Variants in HECTD4 observed in about 807,000 individuals in gnomAD.
HECTD4 encodes HECT domain E3 ubiquitin protein ligase 4.
Under a neutral mutation model 471.5 loss-of-function variants are expected in HECTD4, and 114 were observed. That is an observed-to-expected ratio of 0.24 (90% CI 0.21 to 0.28). The LOEUF is 0.28. HECTD4 is among the 10% of genes least tolerant of loss of function. The pLI, the probability that HECTD4 is intolerant of heterozygous loss-of-function variation, is 1.00. For synonymous variants in HECTD4, 2,012 were observed against 2,256.0 expected, an observed-to-expected ratio of 0.89 and a Z score of 3.07; for missense variants, 3,866 against 5,651.5, an observed-to-expected ratio of 0.68 and a Z score of 10.13.
At chr12:112,282,264 T>C (rs967641308) in intron 8 of HECTD4, among the ~76,000 whole-genome samples, 2 of 152,088 alleles carry the variant, frequency 1.3e-5, no homozygotes, top group Admixed American at 1.3e-4. Context: ...GCGCCTGTAG[T>C]CCCAGCTACT....
intron 61 of HECTD4, 45 bp from the exon 62 acceptor site, chr12:112,183,311 G>A (rs776942842): frequency 3.5e-6 from 5 of 1,448,110 alleles, no homozygotes; most frequent in Non-Finnish European, 2.9e-6. Context: ...AGCTTGACCA[G>A]TCATTCAGTG....
At chr12:112,277,960 C>A (rs1235533663) in intron 9 of HECTD4, among the ~76,000 whole-genome samples, 1 of 152,146 alleles carries the variant, frequency 6.6e-6, no homozygotes, top group Non-Finnish European at 1.5e-5. Flanking sequence ...TCTGCATCTA[C>A]TTTTATAGCT....
intron 22 of HECTD4, 53 bp downstream of exon 22, chr12:112,253,990 G>A: frequency 6.3e-7 from 1 of 1,596,278 alleles, no homozygotes; most frequent in East Asian, 2.2e-5. Context: ...GGACCTGTGA[G>A]GACTGCAAGT....
intron 20 of HECTD4, 171 bp from the exon 21 acceptor site, chr12:112,256,689 G>T: frequency 4.8e-6 from 2 of 414,770 alleles, no homozygotes; most frequent in Non-Finnish European, 8.3e-6. Flanking sequence ...CTACATTTAA[G>T]GGTTTTTTCT....
intron 7 of HECTD4, among the ~76,000 whole-genome samples, chr12:112,289,805 T>C (rs2034838105): frequency 6.6e-6 from 1 of 151,928 alleles, no homozygotes; most frequent in Admixed American, 6.6e-5. Flanking sequence ...ACCTCCCGAG[T>C]ATCTGGGATT....
intron 7 of HECTD4, among the ~76,000 whole-genome samples, chr12:112,304,835 G>A (rs900826493): frequency 1.3e-5 from 2 of 152,200 alleles, no homozygotes; most frequent in Non-Finnish European, 2.9e-5. Context: ...TAAAGGTTAC[G>A]AGACTCCTGA....
At position 112,230,658 on chromosome 12, in the gene HECTD4, T is replaced by G. The variant is rs147046299; in HGVS notation, c.6336+29A>C. The G allele has an allele frequency of 2.8e-4, 442 of 1,582,124 alleles. 1 individual carries two copies. In the African/African-American group the frequency reaches 5.6e-3, roughly 20 times the overall value. ...ATTCTAATTAGCTTACTTCTTATTT[T>G]CTCAGTTGAGTAGCAACACTGCGCT... On this transcript the variant is annotated intron_variant, in intron 40 of 75. Transcript: ENST00000682272.
At chr12:112,359,818 TC>T in intron 1 of HECTD4, among the ~76,000 whole-genome samples, 2 of 152,180 alleles carry the variant, frequency 1.3e-5, no homozygotes, top group Middle Eastern at 6.8e-3. Flanking sequence ...GCTCAACTGA[TC>T]CTCCTGCCTC....
chr12:112,175,076 C>T (rs1042409292), intron 66 of HECTD4, among the ~76,000 whole-genome samples: 3 of 152,138 alleles, frequency 2.0e-5, no homozygotes, highest in Non-Finnish European at 4.4e-5. Context: ...GGAGCGAGGG[C>T]AATGTGGACT....
intron 7 of HECTD4, among the ~76,000 whole-genome samples, chr12:112,296,245 C>T (rs1366022358): frequency 7.0e-6 from 1 of 143,872 alleles, no homozygotes; most frequent in Non-Finnish European, 1.5e-5. Context: ...AGGTGCAGAG[C>T]GTGTAGATGC....
At chr12:112,230,999 A>G in intron 39 of HECTD4, 177 bp from the exon 40 acceptor site, 1 of 603,198 alleles carries the variant, frequency 1.7e-6, no homozygotes, top group Admixed American at 3.2e-5. Context: ...ACTGTGTCAT[A>G]TTCTTTGTGG....
intron 7 of HECTD4, among the ~76,000 whole-genome samples, chr12:112,297,724 G>GA (rs1268839850): frequency 6.6e-6 from 1 of 152,068 alleles, no homozygotes; most frequent in Non-Finnish European, 1.5e-5. Flanking sequence ...TTTCCAACTG[G>GA]AGAAGTCTAA....
intron 1 of HECTD4, among the ~76,000 whole-genome samples, chr12:112,358,381 C>T (rs921814438): frequency 6.6e-6 from 1 of 151,724 alleles, no homozygotes; most frequent in African/African-American, 2.4e-5. Context: ...TTCAGGAGCC[C>T]GAAGCAGGGG....
chr12:112,204,815 T>C (rs2032526114), intron 52 of HECTD4, among the ~76,000 whole-genome samples, 192 bp from the exon 53 acceptor site: 1 of 152,154 alleles, frequency 6.6e-6, no homozygotes, highest in Non-Finnish European at 1.5e-5. Context: ...CTTTTAGGAA[T>C]GTCTCAAATC....
intron 1 of HECTD4, among the ~76,000 whole-genome samples, chr12:112,378,678 T>A (rs925938007): frequency 6.6e-6 from 1 of 152,156 alleles, no homozygotes; most frequent in East Asian, 1.9e-4. Context: ...CACCCAGATG[T>A]CCACTGGAAG....
rs368695777 is a variant in HECTD4 at position 112,243,587 on chromosome 12, C to T, written c.4791+33G>A. 3.1e-5 allele frequency: 49 copies of T among 1,604,250 alleles called. 1 individual carries two copies. The South Asian group carries it at 4.3e-4, about 14-fold the overall frequency. On this transcript the variant is annotated intron_variant, in intron 31 of 75. Coordinates refer to ENST00000682272, the MANE Select transcript of HECTD4 (RefSeq NM_001388303.1). This position sits in a 1 kb window ranked among gnomAD's most constrained non-coding sequence, Gnocchi z 6.6. ...GCAAGACCCCGCATGCTGTTAGGTG[C>T]TATTCATCTGGAGCCCGCAAAATGT... is the stretch of plus-strand genomic sequence containing the variant.
chr12:112,361,340 G>T (rs1007640873), intron 1 of HECTD4, among the ~76,000 whole-genome samples: 1 of 151,926 alleles, frequency 6.6e-6, no homozygotes, highest in Admixed American at 6.6e-5. Flanking sequence ...GAGTGCAGTG[G>T]TGCAATCACA....
At chr12:112,374,199 C>G (rs1226608137) in intron 1 of HECTD4, among the ~76,000 whole-genome samples, 1 of 151,894 alleles carries the variant, frequency 6.6e-6, no homozygotes, top group Non-Finnish European at 1.5e-5. Context: ...TAGTAGCACA[C>G]CGGTAGTCCC....
At chr12:112,165,349 ATT>A (rs35375585) in intron 72 of HECTD4, among the ~76,000 whole-genome samples, 23,160 of 128,074 alleles carry the variant, frequency 0.18, 3,058 homozygotes, top group East Asian at 0.82. Context: ...AGAGCAACTA[ATT>A]TTTTTTTTTT....
Sources: gnomAD v4.1 joint callset for allele counts (sites outside exome capture counted in the v4.1 genomes callset) on GRCh38, gnomAD v4.1.1 for gene constraint, Gnocchi (gnomAD v3.1) non-coding constraint, MANE v1.5 for transcripts, NCBI Gene and HGNC (gene_info 2026-07-23, HGNC 2026-07-21) for gene names.